The following GFUS variants were observed in gnomAD, a reference collection of about 807,000 sequenced individuals.
The protein encoded by GFUS is GDP-L-fucose synthase.
A neutral mutation model predicts 41.5 loss-of-function variants in GFUS; 42 were observed. That is an observed-to-expected ratio of 1.01 (90% CI 0.79 to 1.31). The LOEUF (loss-of-function observed/expected upper bound fraction) is 1.31. Among genes scored for constraint, GFUS ranks in the 50% most tolerant of loss-of-function variants. GFUS has a pLI of 0.00. For synonymous variants in GFUS, 188 were observed against 173.4 expected (o/e 1.08, Z -0.66); for missense variants, 437 against 428.7 (o/e 1.02, Z -0.17).
Position 143,614,711 on chromosome 8 carries a change from A to C in GFUS, c.391-14T>G. 2 of 1,612,964 alleles carry C rather than the reference A, an allele frequency of 1.2e-6. No individual in the cohort carries two copies. The highest frequency in any genetic ancestry group is 1.7e-6 in the Non-Finnish European group (2 of 1,179,670). On this transcript the variant is annotated splice_polypyrimidine_tract_variant and intron_variant, in intron 4 of 10. Transcript: ENST00000425753. ...CCCATTGTGGATCTGCGGGCGTGGG[A>C]GAGGCAGAGGCCGCTACTTCCTGGC...
In GFUS at chr8:143,616,229, A is replaced by G; in HGVS notation, c.147-9T>C. The G allele has an allele frequency of 1.2e-6, 2 of 1,613,558 alleles. No individual in the cohort carries two copies. The highest frequency in any genetic ancestry group is 1.7e-6 in the Non-Finnish European group (2 of 1,179,606). ...GGGTCTGTGCTGTATCCCTGTAGGA[A>G]GCCAGGCTGTCAGGAGGCTCTGGAG... On this transcript the variant is annotated splice_polypyrimidine_tract_variant and intron_variant, in intron 2 of 10. Transcript: ENST00000425753.
At chr8:143,617,838 C>T (rs1829768887), upstream of GFUS, 1 of 152,304 alleles carries the variant, frequency 6.6e-6, no homozygotes, top group East Asian at 1.9e-4. Context: ...CGGAAGGAGC[C>T]TCGCCGGCGC....
At chr8:143,613,355 G>T (rs1829627158) in intron 9 of GFUS, 60 bp from the exon 10 acceptor site, 2 of 1,557,262 alleles carry the variant, frequency 1.3e-6, no homozygotes, top group Admixed American at 1.7e-5. Flanking sequence ...CCCGCAGCTT[G>T]CCCTTGAACC....
intron 9 of GFUS, 90 bp from the exon 10 acceptor site, chr8:143,613,385 C>G (rs1829627697): frequency 6.7e-7 from 1 of 1,497,344 alleles, no homozygotes; most frequent in East Asian, 2.3e-5. Flanking sequence ...CCCAGGGGAG[C>G]CACAGCAGAG....
rs775453745 is a variant in GFUS at position 143,612,968 on chromosome 8, G to A, written c.911-3C>T. The A allele has an allele frequency of 6.2e-7, 1 of 1,609,186 alleles. No individual in the cohort carries two copies. The highest frequency in any genetic ancestry group is 1.1e-5 in the South Asian group (1 of 90,486). The stretch of plus-strand genomic sequence containing the variant: ...CCAAGCACAGGTCTCCTTCACCGCT[G>A]CAGAGGCAGGCAGGTGAGGGCCATG... On this transcript the variant is annotated splice_polypyrimidine_tract_variant and splice_region_variant and intron_variant, in intron 10 of 10. Coordinates refer to ENST00000425753, the MANE Select transcript of GFUS (RefSeq NM_003313.4).
At chr8:143,614,720 G>C in intron 4 of GFUS, 23 bp from the exon 5 acceptor site, 1 of 1,613,136 alleles carries the variant, frequency 6.2e-7, no homozygotes, top group Non-Finnish European at 8.5e-7. Flanking sequence ...GAGAGGCAGA[G>C]GCCGCTACTT....
At chr8:143,614,264 C>G in intron 6 of GFUS, 36 bp from the exon 7 acceptor site, 3 of 1,613,552 alleles carry the variant, frequency 1.9e-6, no homozygotes, top group Non-Finnish European at 2.5e-6. Flanking sequence ...GTCAGAGGCA[C>G]TGGGTCACCT....
In GFUS at chr8:143,616,198, G is replaced by A. The variant is rs1468368923; in HGVS notation, c.169C>T (p.Leu57=). ...TGTGTGGGTTGGACCTTCTCAAACA[G>A]GGCGCGGGTCTGTGCTGTATCCCTG... The part of the protein sequence containing the change: ...DLTDTAQTRA[L]FEKVQPTHVI... The change falls in exon 3 of 11, where the codon CTG becomes TTG. Residue 57 remains leucine (L), a synonymous_variant. Coordinates refer to ENST00000425753, the MANE Select transcript of GFUS (RefSeq NM_003313.4). 2 of 1,613,912 alleles carry A rather than the reference G, an allele frequency of 1.2e-6. No individual in the cohort carries two copies. The highest frequency in any genetic ancestry group is 1.3e-5 in the African/African-American group (1 of 74,928).
At chr8:143,613,157 G>T (rs1829618700) in intron 10 of GFUS, 39 bp downstream of exon 10, 1 of 1,595,256 alleles carries the variant, frequency 6.3e-7, no homozygotes, top group African/African-American at 1.3e-5. Flanking sequence ...GGCTGGGGCA[G>T]GCCTCCACCA....
chr8:143,615,899 GC>G, intron 3 of GFUS: 1 of 481,036 alleles, frequency 2.1e-6, no homozygotes, highest in Non-Finnish European at 3.7e-6. Flanking sequence ...GTGCCTCCAG[GC>G]CCCCTGCATG....
At chr8:143,613,704 A>G in intron 8 of GFUS, 47 bp downstream of exon 8, 1 of 1,558,772 alleles carries the variant, frequency 6.4e-7, no homozygotes, top group Non-Finnish European at 8.7e-7. Flanking sequence ...ACAACCTTGG[A>G]TCCTGTCCTA....
chr8:143,613,907 G>C, intron 7 of GFUS, 90 bp from the exon 8 acceptor site: 1 of 1,390,244 alleles, frequency 7.2e-7, no homozygotes, highest in South Asian at 1.2e-5. Context: ...TGCTGTCCTT[G>C]TTCAGTGGGG....
intron 3 of GFUS, 151 bp downstream of exon 3, chr8:143,615,955 A>G: frequency 9.3e-6 from 6 of 646,836 alleles, no homozygotes; most frequent in Non-Finnish European, 1.6e-5. Context: ...GGGGTCCCTC[A>G]GGGGCTGCCC....
chr8:143,613,882 C>A, intron 7 of GFUS, 65 bp from the exon 8 acceptor site: 1 of 1,499,548 alleles, frequency 6.7e-7, no homozygotes, highest in Non-Finnish European at 9.1e-7. Flanking sequence ...AACGCCCCTG[C>A]TGGGGAGTCC....
rs766359650 is a variant in GFUS, at chr8:143,613,786, C to T, written c.695G>A (p.Arg232Gln). The T allele has an allele frequency of 3.2e-6, 5 of 1,550,822 alleles. No individual in the cohort carries two copies. Among genetic ancestry groups the T allele is most frequent in the South Asian group, 1.2e-5 (1 of 84,074 alleles). ...GATGGGCTCCACTTCATTGTACTCC[C>T]GCAGGACCCAGATAAAGAGCTGGGC... is the stretch of plus-strand genomic sequence containing the variant. Reference protein sequence around the residue: ...DLAQLFIWVLREYNEVEPIIL... With the variant: ...DLAQLFIWVLQEYNEVEPIIL... The change falls in exon 8 of 11, where the codon CGG (arginine) becomes CAG (glutamine). Residue 232 changes from arginine (R) to glutamine (Q), a missense_variant. Transcript: ENST00000425753.
At position 143,613,189 on chromosome 8, in the gene GFUS, G is replaced by C. The variant is rs1196408033; in HGVS notation, c.910+7C>G. On this transcript the variant is annotated splice_region_variant and intron_variant, in intron 10 of 10. Transcript: ENST00000425753. ...ACCAAGTGGAGGGCTGTGGGGTCAG[G>C]GCTCACCCTGCTTGAAGGGTGTGAA... 10 of 1,612,992 alleles carry C rather than the reference G, an allele frequency of 6.2e-6. No homozygotes were observed. Among genetic ancestry groups the C allele is most frequent in the South Asian group, 1.1e-5 (1 of 91,078 alleles).
In GFUS at chr8:143,614,332, G is replaced by A. The variant is rs780094984; in HGVS notation, c.586C>T (p.His196Tyr). Residue 196 changes from histidine (H) to tyrosine (Y), a missense_variant, in exon 6 of 11, where the codon CAC (histidine) becomes TAC (tyrosine). By Grantham distance (83) the His-to-Tyr change is moderately conservative. Coordinates refer to ENST00000425753, the MANE Select transcript of GFUS (RefSeq NM_003313.4). ...CGGACGCACTCACTCTTGGCCAGGT[G>A]CACCTTGTGGATGAGGCCAGGCAGC... ...HVLPGLIHKV[H>Y]LAKSSGSALT... 4 of 1,613,530 alleles carry A rather than the reference G, an allele frequency of 2.5e-6. No homozygotes were observed. The highest frequency in any genetic ancestry group is 3.4e-6 in the Non-Finnish European group (4 of 1,179,826).
chr8:143,615,539 C>G (rs532327589), intron 3 of GFUS, among the ~76,000 whole-genome samples: 1 of 152,206 alleles, frequency 6.6e-6, no homozygotes, highest in Admixed American at 6.5e-5. Flanking sequence ...CCTCTGCTCA[C>G]GCTAGTGCCT....
At chr8:143,616,459 A>T in intron 2 of GFUS, 108 bp downstream of exon 2, 5 of 1,554,910 alleles carry the variant, frequency 3.2e-6, no homozygotes, top group Non-Finnish European at 4.4e-6. Context: ...AAGGACCCAG[A>T]AACACAGCTA....
Sources: gnomAD v4.1 joint callset for allele counts (sites outside exome capture counted in the v4.1 genomes callset) on GRCh38, gnomAD v4.1.1 for gene constraint, MANE v1.5 for transcripts, NCBI Gene and HGNC (gene_info 2026-07-23, HGNC 2026-07-21) for gene names.